The following ADAMTS16 variants were observed in gnomAD, a reference collection of about 807,000 sequenced individuals.
ADAMTS16 encodes the protein A disintegrin and metalloproteinase with thrombospondin motifs 16.
In ADAMTS16, 94 loss-of-function variants were observed where a neutral mutation model predicts 145.8. That is an observed-to-expected ratio of 0.64 (90% CI 0.55 to 0.77). The LOEUF is 0.77. Among genes scored for constraint, ADAMTS16 ranks in the 30% least tolerant of loss-of-function variants. ADAMTS16 has a pLI of 0.00. For synonymous variants in ADAMTS16, 659 were observed against 604.3 expected (o/e 1.09, Z -1.33); for missense variants, 1,585 against 1,591.5 (o/e 1.00, Z 0.07).
intron 18 of ADAMTS16, among the ~76,000 whole-genome samples, chr5:5,264,873 G>A (rs1252943709): frequency 6.6e-6 from 1 of 152,218 alleles, no homozygotes; most frequent in African/African-American, 2.4e-5. Context: ...GCCAGGGCCT[G>A]TGGAGTTGAT....
At chr5:5,230,263 T>A (rs1318504877) in intron 11 of ADAMTS16, among the ~76,000 whole-genome samples, 3 of 152,126 alleles carry the variant, frequency 2.0e-5, no homozygotes, top group Non-Finnish European at 4.4e-5. Flanking sequence ...GAGAGAGACA[T>A]GAGAAGCATG....
rs71596737 is a variant in ADAMTS16 at position 5,146,630 on chromosome 5, T to C, written c.501+175T>C. ...TCCAAAAAACATTGCGTGCCTCCTC[T>C]GGCCTATTTGGAAACAGTGTGCACA... is the stretch of plus-strand genomic sequence containing the variant. On this transcript the variant is annotated intron_variant, in intron 3 of 22. Transcript: ENST00000274181. 4.3e-4 allele frequency among the ~76,000 whole-genome samples: 66 copies of C among 152,334 alleles called. 1 individual carries two copies. Among genetic ancestry groups the C allele is most frequent in the Middle Eastern group, 6.8e-3 (2 of 294 alleles).
chr5:5,296,428 C>T (rs1739534227), intron 18 of ADAMTS16, among the ~76,000 whole-genome samples: 1 of 152,192 alleles, frequency 6.6e-6, no homozygotes, highest in Non-Finnish European at 1.5e-5. Flanking sequence ...AGTTAGTCCT[C>T]ATAATGGGTA....
rs765764695 is a variant in ADAMTS16 at position 5,306,645 on chromosome 5, G to A, written c.3328G>A (p.Ala1110Thr). Residue 1110 changes from alanine (A) to threonine (T), a missense_variant, in exon 21 of 23, where the codon GCC becomes ACC. By Grantham distance (58) the Ala-to-Thr change is moderately conservative (BLOSUM62 0). Transcript: ENST00000274181. Reference protein sequence around the residue: ...KPSLELERACAPLPCPRHPPF... With the variant: ...KPSLELERACTPLPCPRHPPF... Reference sequence around the variant, plus strand: ...CAGCCTGGAGCTGGAACGTGCCTGCGCCCCGCTTCCATGCCCCAGGCACCC... The same window carrying A: ...CAGCCTGGAGCTGGAACGTGCCTGCACCCCGCTTCCATGCCCCAGGCACCC... 8 of 1,613,996 alleles carry A rather than the reference G, an allele frequency of 5.0e-6. No individual in the cohort carries two copies. The highest frequency in any genetic ancestry group is 2.2e-5 in the East Asian group (1 of 44,876).
intron 3 of ADAMTS16, among the ~76,000 whole-genome samples, chr5:5,158,541 C>T (rs1470280022): frequency 6.6e-6 from 1 of 152,066 alleles, no homozygotes; most frequent in Non-Finnish European, 1.5e-5. Flanking sequence ...GTCTCTGAGG[C>T]CCTGGGAGCA....
chr5:5,156,273 C>T (rs996791295), intron 3 of ADAMTS16, among the ~76,000 whole-genome samples: 2 of 152,150 alleles, frequency 1.3e-5, no homozygotes, highest in African/African-American at 2.4e-5. Context: ...AGAATAACTA[C>T]CAGGGATGTT....
chr5:5,142,925 TG>T (rs1368447032), intron 2 of ADAMTS16, among the ~76,000 whole-genome samples: 1 of 152,168 alleles, frequency 6.6e-6, no homozygotes, highest in Non-Finnish European at 1.5e-5. Context: ...ACCTGATCTT[TG>T]GCACATCTGA....
intron 3 of ADAMTS16, among the ~76,000 whole-genome samples, chr5:5,178,655 A>G (rs1250746768): frequency 1.3e-5 from 2 of 152,338 alleles, no homozygotes; most frequent in East Asian, 3.9e-4. Flanking sequence ...TTATTAATGA[A>G]ACAAGTATAA....
At chr5:5,307,246 T>G (rs1285605888) in intron 21 of ADAMTS16, among the ~76,000 whole-genome samples, 1 of 152,160 alleles carries the variant, frequency 6.6e-6, no homozygotes, top group African/African-American at 2.4e-5. Context: ...GCATTTCTGC[T>G]TTCGGGTCGG....
intron 18 of ADAMTS16, among the ~76,000 whole-genome samples, chr5:5,302,516 T>A (rs34331052): frequency 0.19 from 29,521 of 152,092 alleles, 3,050 homozygotes; most frequent in South Asian, 0.29. Flanking sequence ...AGAGATGTAA[T>A]TCCAAGAATC....
At chr5:5,180,634 A>C (rs1257971990) in intron 3 of ADAMTS16, among the ~76,000 whole-genome samples, 2 of 152,210 alleles carry the variant, frequency 1.3e-5, no homozygotes, top group African/African-American at 4.8e-5. Flanking sequence ...CACAATTTTT[A>C]AAATGAACAT....
At chr5:5,291,647 TCCCCACCC>T (rs1340281250) in intron 18 of ADAMTS16, among the ~76,000 whole-genome samples, 2 of 132,650 alleles carry the variant, frequency 1.5e-5, no homozygotes, top group African/African-American at 2.9e-5. Context: ...AGCCACGGCT[TCCCCACCC>T]CCCCACCCCC....
At chr5:5,148,789 A>T (rs1373041183) in intron 3 of ADAMTS16, among the ~76,000 whole-genome samples, 1 of 152,206 alleles carries the variant, frequency 6.6e-6, no homozygotes, top group African/African-American at 2.4e-5. Context: ...AGCCTAGCAG[A>T]CCTGGGCCCC....
chr5:5,278,786 T>C (rs71596749), intron 18 of ADAMTS16, among the ~76,000 whole-genome samples: 35,591 of 152,140 alleles, frequency 0.23, 4,431 homozygotes, highest in Middle Eastern at 0.31. Flanking sequence ...ACTTTATGTT[T>C]ATTTCTCTTT....
intron 21 of ADAMTS16, among the ~76,000 whole-genome samples, chr5:5,312,448 ATTTT>A (rs11458204): frequency 7.4e-6 from 1 of 134,444 alleles, no homozygotes; most frequent in African/African-American, 2.8e-5. Flanking sequence ...TGTTGTTGTT[ATTTT>A]TTTTTTTTTT....
rs749060650 is a variant in ADAMTS16, at chr5:5,214,096, C to T, written c.1605+4850C>T. Among the ~76,000 whole-genome samples, 11 of 152,148 alleles carry T rather than the reference C, an allele frequency of 7.2e-5. 1 individual carries two copies. The highest frequency in any genetic ancestry group is 2.4e-4 in the African/African-American group (10 of 41,440). ...TCCCAGGCAGAGAGGTGGGCAAATGCGGCGTTCATTCTCCTTGCATGTTTT... is the reference window on the plus strand; with the variant it reads ...TCCCAGGCAGAGAGGTGGGCAAATGTGGCGTTCATTCTCCTTGCATGTTTT... On this transcript the variant is annotated intron_variant, in intron 10 of 22. Transcript: ENST00000274181.
chr5:5,308,949 C>CAAA (rs56068510), intron 21 of ADAMTS16, among the ~76,000 whole-genome samples: 2 of 87,176 alleles, frequency 2.3e-5, no homozygotes, highest in African/African-American at 4.4e-5. Flanking sequence ...GACTCCGTCT[C>CAAA]AAAAAAAAAA....
chr5:5,261,675 G>A (rs542738424), intron 17 of ADAMTS16, among the ~76,000 whole-genome samples: 10 of 152,106 alleles, frequency 6.6e-5, no homozygotes, highest in Admixed American at 4.6e-4. Flanking sequence ...TAGTAGAGAC[G>A]GAGTTTCACC....
intron 17 of ADAMTS16, among the ~76,000 whole-genome samples, chr5:5,258,642 C>T (rs116401937): frequency 0.022 from 3,374 of 152,224 alleles, 41 homozygotes; most frequent in Non-Finnish European, 0.032. Flanking sequence ...CTGTAGAGGA[C>T]AGCACTCCAG....
Sources: allele counts gnomAD v4.1 joint callset (sites outside exome capture counted in the v4.1 genomes callset), GRCh38; gene constraint gnomAD v4.1.1; transcripts MANE v1.5; gene names NCBI Gene and HGNC (gene_info 2026-07-23, HGNC 2026-07-21).